Variants in DEFB132 observed in about 807,000 individuals in gnomAD.
The protein encoded by DEFB132 is beta-defensin 132.
Under a neutral mutation model 2.5 loss-of-function variants are expected in DEFB132, and 5 were observed. The ratio of observed to expected loss-of-function variants is 2.00; its 90% confidence interval spans 1.04 to 4.20. DEFB132 has a LOEUF of 4.20. Ranked by LOEUF, DEFB132 falls within the 30% of genes most tolerant of loss-of-function variation. The pLI is 0.00. For missense variants in DEFB132, 112 were observed against 110.0 expected (o/e 1.02, Z -0.08); for synonymous variants, 53 against 46.2 (o/e 1.15, Z -0.60).
chr20:260,037 A>G lies in DEFB132; in HGVS notation c.*731A>G, dbSNP rs1435452808. On this transcript the variant is annotated 3_prime_UTR_variant, in exon 2 of 2. Transcript: ENST00000382376. ...GCTGAAAGTCTAGGTTTGGCCAGCT[A>G]GGTAGACTGACTTGTGAGGTATTTA... 5 of 152,424 alleles carry G rather than the reference A, an allele frequency of 3.3e-5. No individual in the cohort carries two copies. The highest frequency in any genetic ancestry group is 1.2e-4 in the African/African-American group (5 of 41,464). 9.4% of individuals were successfully genotyped at this position (152,424 alleles called of 1,614,324 possible).
intron 1 of DEFB132, among the ~76,000 whole-genome samples, chr20:258,719 G>A (rs1462431095): frequency 1.3e-5 from 1 of 76,578 alleles, no homozygotes. Context: ...TGTGGGGTGA[G>A]TGAGACTAGC....
chr20:258,158 A>T (rs956210806), intron 1 of DEFB132, among the ~76,000 whole-genome samples: 18 of 152,328 alleles, frequency 1.2e-4, no homozygotes, highest in African/African-American at 3.8e-4. Context: ...TGTCATCACC[A>T]TGTGCATCCA....
In DEFB132 at chr20:260,144, T is replaced by C. The variant is rs989588563; in HGVS notation, c.*838T>C. 1 of 152,242 alleles carries C rather than the reference T, an allele frequency of 6.6e-6. No individual in the cohort carries two copies. The highest frequency in any genetic ancestry group is 1.5e-5 in the Non-Finnish European group (1 of 68,038). 9.4% of individuals were successfully genotyped at this position (152,242 alleles called of 1,614,324 possible). ...CCCAAAAGCAAGGATGGCATGATGC[T>C]GGTGACTCAAACGTGCCTACTCATG... On this transcript the variant is annotated 3_prime_UTR_variant, in exon 2 of 2. Transcript: ENST00000382376.
chr20:259,393 C>T lies in DEFB132; in HGVS notation c.*87C>T, dbSNP rs2011617543. ...CTACATTGCTGAGTACTAGCCAAGGCTCCTCTTTATGGGGCAGATATCTAT... is the reference window on the plus strand; with the variant it reads ...CTACATTGCTGAGTACTAGCCAAGGTTCCTCTTTATGGGGCAGATATCTAT... On this transcript the variant is annotated 3_prime_UTR_variant, in exon 2 of 2. Transcript: ENST00000382376. The T allele has an allele frequency of 6.9e-6, 10 of 1,447,510 alleles. No individual in the cohort carries two copies. Among genetic ancestry groups the T allele is most frequent in the Admixed American group, 2.1e-5 (1 of 47,686 alleles). The allele number at this position is 1,447,510 out of a possible 1,614,324, so 89.7% of individuals were successfully genotyped here.
Position 257,725 on chromosome 20 carries a change from G to C in DEFB132, c.-54G>C. 7 of 1,563,346 alleles carry C rather than the reference G, an allele frequency of 4.5e-6. No individual in the cohort carries two copies. The highest frequency in any genetic ancestry group is 6.1e-6 in the Non-Finnish European group (7 of 1,138,328). On this transcript the variant is annotated 5_prime_UTR_variant, in exon 1 of 2. Coordinates refer to ENST00000382376, the MANE Select transcript of DEFB132 (RefSeq NM_207469.3). ...AGGCAGTAGCTCCAAGCACATTACAGAGGGACCCAACTCCATTAAACCACC... is the reference window on the plus strand; with the variant it reads ...AGGCAGTAGCTCCAAGCACATTACACAGGGACCCAACTCCATTAAACCACC...
rs1383957159 is a variant in DEFB132, at chr20:260,235, A to C, written c.*929A>C. 6.6e-6 allele frequency: 1 copy of C among 152,200 alleles called. No homozygotes were observed. Among genetic ancestry groups the C allele is most frequent in the Non-Finnish European group, 1.5e-5 (1 of 68,034 alleles). The allele number at this position is 152,200 out of a possible 1,614,324, so 9.4% of individuals were successfully genotyped here. On this transcript the variant is annotated 3_prime_UTR_variant, in exon 2 of 2. Transcript: ENST00000382376. ...ATAAGCACAGAGAAGCAGAACTCTA[A>C]TTGCTTAATCCACTAAACATTACTT...
chr20:259,017 C>A, intron 1 of DEFB132, 60 bp from the exon 2 acceptor site: 1 of 1,549,704 alleles, frequency 6.5e-7, no homozygotes. Context: ...GGCGCTGACG[C>A]TTTAGTAGCC....
Position 257,845 on chromosome 20 carries a change from G to A in DEFB132, c.58+9G>A, listed in dbSNP as rs1000199102. ...GACCCAGGTGATCCCAGGTAAACTG[G>A]ATAAATAGGAGGAAAGGAAAACTGG... On this transcript the variant is annotated intron_variant, in intron 1 of 1. Transcript: ENST00000382376. The A allele has an allele frequency of 8.7e-6, 14 of 1,604,618 alleles. No homozygotes were observed. The highest frequency in any genetic ancestry group is 1.1e-5 in the Non-Finnish European group (13 of 1,172,884).
In DEFB132 at chr20:257,765, C is replaced by G; in HGVS notation, c.-14C>G. 1 of 1,599,784 alleles carries G rather than the reference C, an allele frequency of 6.3e-7. No individual in the cohort carries two copies. Among genetic ancestry groups the G allele is most frequent in the South Asian group, 1.1e-5 (1 of 89,926 alleles). On this transcript the variant is annotated 5_prime_UTR_variant, in exon 1 of 2. Coordinates refer to ENST00000382376, the MANE Select transcript of DEFB132 (RefSeq NM_207469.3). ...ATTAAACCACCACCAGCTCCCCAAG[C>G]CACCCCTTCAGCCATGAAGTTCCTG...
chr20:259,110 C>T lies in DEFB132; in HGVS notation c.92C>T (p.Thr31Ile). The stretch of plus-strand genomic sequence containing the variant: ...GGTGGGTCAAAATGTGTGAGTAACA[C>T]CCCAGGATACTGCAGGACATGTTGC... ...SAGGSKCVSN[T>I]PGYCRTCCHW... is the part of the protein sequence containing the mutation. Residue 31 changes from threonine to isoleucine, a missense_variant, in exon 2 of 2, where the codon ACC becomes ATC. Thr to Ile is a moderately conservative substitution (Grantham distance 89, BLOSUM62 -1). Transcript: ENST00000382376. 3.1e-6 allele frequency: 5 copies of T among 1,614,198 alleles called. No homozygotes were observed. The highest frequency in any genetic ancestry group is 4.2e-6 in the Non-Finnish European group (5 of 1,180,044).
In DEFB132 at chr20:259,296, T is replaced by C. The variant is rs73570482; in HGVS notation, c.278T>C (p.Val93Ala). 16,456 of 1,613,960 alleles carry C rather than the reference T, an allele frequency of 0.01. 578 individuals carry two copies. Among genetic ancestry groups the C allele is most frequent in the South Asian group, 0.078 (7,125 of 91,066 alleles). ...QRKDKKQQTT[V>A]TS Reference sequence around the variant, plus strand: ...AAAGACAAGAAGCAACAAACGACCGTAACATCATAATAACCACTGCTATCG... The same window carrying C: ...AAAGACAAGAAGCAACAAACGACCGCAACATCATAATAACCACTGCTATCG... The change falls in exon 2 of 2, where the codon GTA (valine) becomes GCA (alanine). Residue 93 changes from valine to alanine, a missense_variant. By Grantham distance (64) the Val-to-Ala change is moderately conservative. Coordinates refer to ENST00000382376, the MANE Select transcript of DEFB132 (RefSeq NM_207469.3).
Position 260,569 on chromosome 20 carries a change from T to C in DEFB132, c.*1263T>C, listed in dbSNP as rs1465771075. ...TTATGCATAAATTTCCTCTTACAGT[T>C]CGATGCCCATTAGTTTTATATAACA... On this transcript the variant is annotated 3_prime_UTR_variant, in exon 2 of 2. Coordinates refer to ENST00000382376, the MANE Select transcript of DEFB132 (RefSeq NM_207469.3). 6.6e-6 allele frequency: 1 copy of C among 152,206 alleles called. No individual in the cohort carries two copies. The highest frequency in any genetic ancestry group is 2.4e-5 in the African/African-American group (1 of 41,454). The allele number at this position is 152,206 out of a possible 1,614,324, so 9.4% of individuals were successfully genotyped here.
rs2011632423 is a variant in DEFB132 at position 260,529 on chromosome 20, G to T, written c.*1223G>T. On this transcript the variant is annotated 3_prime_UTR_variant, in exon 2 of 2. Coordinates refer to ENST00000382376, the MANE Select transcript of DEFB132 (RefSeq NM_207469.3). Reference sequence around the variant, plus strand: ...CATGAAAATTATGACTTTTTTGTTTGGTTGGAAAGCAGAATTATGCATAAA... The same window carrying T: ...CATGAAAATTATGACTTTTTTGTTTTGTTGGAAAGCAGAATTATGCATAAA... 1 of 151,964 alleles carries T rather than the reference G, an allele frequency of 6.6e-6. No homozygotes were observed. Among genetic ancestry groups the T allele is most frequent in the Non-Finnish European group, 1.5e-5 (1 of 67,970 alleles). 9.4% of individuals were successfully genotyped at this position (151,964 alleles called of 1,614,324 possible). A position where few individuals can be genotyped will look rare whatever the true frequency, so the allele number is the denominator to read the frequency against.
At position 259,240 on chromosome 20, in the gene DEFB132, C is replaced by T. The variant is rs73570481; in HGVS notation, c.222C>T (p.His74=). The T allele has an allele frequency of 2.6e-3, 4,260 of 1,612,150 alleles. 99 individuals carry two copies. In the African/African-American group the frequency reaches 0.05, roughly 19 times the overall value. Residue 74 remains histidine (H), a synonymous_variant, in exon 2 of 2, where the codon CAC becomes CAT. Coordinates refer to ENST00000382376, the MANE Select transcript of DEFB132 (RefSeq NM_207469.3). ...KPDLPQLIGN[H]WQSRRRNTQR... is the part of the protein sequence containing the mutation. ...ACCTACCACAGCTCATCGGTAACCA[C>T]TGGCAATCAAGGAGAAGAAACACAC...
rs1278306445 is a variant in DEFB132 at position 260,178 on chromosome 20, T to C, written c.*872T>C. ...AAACGTGCCTACTCATGGTGTCAAA[T>C]TGGCATAATCCTCTTGGGAAGCTGT... On this transcript the variant is annotated 3_prime_UTR_variant, in exon 2 of 2. Coordinates refer to ENST00000382376, the MANE Select transcript of DEFB132 (RefSeq NM_207469.3). The C allele has an allele frequency of 1.3e-5, 2 of 152,310 alleles. No individual in the cohort carries two copies. The highest frequency in any genetic ancestry group is 4.8e-5 in the African/African-American group (2 of 41,568). 9.4% of individuals were successfully genotyped at this position (152,310 alleles called of 1,614,324 possible).
chr20:259,083 C>T lies in DEFB132; in HGVS notation c.65C>T (p.Ala22Val), dbSNP rs138851031. 1.0e-4 allele frequency: 168 copies of T among 1,614,016 alleles called. 1 individual carries two copies. In the African/African-American group the frequency reaches 1.8e-3, roughly 17 times the overall value. The change falls in exon 2 of 2, where the codon GCA becomes GTA. Residue 22 changes from alanine (A) to valine (V), a missense_variant. Ala to Val is a moderately conservative substitution (Grantham distance 64). Transcript: ENST00000382376. ...CTTGTCCTCTCCCATACAGCCAGTGCAGGTGGGTCAAAATGTGTGAGTAAC... is the reference window on the plus strand; with the variant it reads ...CTTGTCCTCTCCCATACAGCCAGTGTAGGTGGGTCAAAATGTGTGAGTAAC... ...GFLTQVIPAS[A>V]GGSKCVSNTP...
chr20:258,861 G>A (rs1207795003), intron 1 of DEFB132, among the ~76,000 whole-genome samples: 1 of 144,302 alleles, frequency 6.9e-6, no homozygotes, highest in Non-Finnish European at 1.5e-5. Flanking sequence ...GCAGATACTG[G>A]CAAAGAAGAA....
rs1302956381 is a variant in DEFB132, at chr20:259,264, A to C, written c.246A>C (p.Thr82=). Residue 82 remains threonine, a synonymous_variant, in exon 2 of 2, where the codon ACA becomes ACC. Coordinates refer to ENST00000382376, the MANE Select transcript of DEFB132 (RefSeq NM_207469.3). ...ACTGGCAATCAAGGAGAAGAAACAC[A>C]CAAAGGAAAGACAAGAAGCAACAAA... The part of the protein sequence containing the change: ...GNHWQSRRRN[T]QRKDKKQQTT... The C allele has an allele frequency of 1.2e-6, 2 of 1,614,016 alleles. No homozygotes were observed. The highest frequency in any genetic ancestry group is 1.7e-6 in the Non-Finnish European group (2 of 1,179,908).
At chr20:258,475 T>G (rs1237141098) in intron 1 of DEFB132, among the ~76,000 whole-genome samples, 1 of 152,180 alleles carries the variant, frequency 6.6e-6, no homozygotes, top group East Asian at 1.9e-4. Flanking sequence ...AAGAGGCCCC[T>G]GCTGTGAGCC....
Sources: allele counts gnomAD v4.1 joint callset (sites outside exome capture counted in the v4.1 genomes callset), GRCh38; gene constraint gnomAD v4.1.1; transcripts MANE v1.5; gene names NCBI Gene and HGNC (gene_info 2026-07-23, HGNC 2026-07-21).